Variants in SWT1 observed in about 807,000 individuals in gnomAD.
SWT1 encodes SWT1 RNA endoribonuclease homolog, also known as transcriptional protein SWT1.
Under a neutral mutation model 107.3 loss-of-function variants are expected in SWT1, and 33 were observed. The observed-to-expected ratio is 0.31, with a 90% CI of 0.23 to 0.41. The LOEUF (loss-of-function observed/expected upper bound fraction) is 0.41, where lower values mean the gene tolerates loss of function less well. Among genes scored for constraint, SWT1 ranks in the 10% least tolerant of loss-of-function variants. The probability of loss-of-function intolerance (pLI) is 1.00; values close to 1 mark genes in which losing one functional copy is unlikely to be tolerated. For missense variants in SWT1, 898 were observed against 1,028.9 expected, an observed-to-expected ratio of 0.87 and a Z score of 1.74; for synonymous variants, 345 against 348.3, an observed-to-expected ratio of 0.99 and a Z score of 0.11.
In SWT1 at chr1:185,252,014, A is replaced by G. The variant is rs551180741; in HGVS notation, c.2442-19309A>G. Among the ~76,000 whole-genome samples, 285 of 151,072 alleles carry G rather than the reference A, an allele frequency of 1.9e-3. 3 individuals are homozygous for G. The highest frequency in any genetic ancestry group is 0.015 in the Admixed American group (227 of 15,166). Reference sequence around the variant, plus strand: ...CTGTGTCCATGTGATCTCATTGTTCAATTCCCACCTATGAGTGAGAATATG... The same window carrying G: ...CTGTGTCCATGTGATCTCATTGTTCGATTCCCACCTATGAGTGAGAATATG... On this transcript the variant is annotated intron_variant, in intron 16 of 18. Coordinates refer to ENST00000367500, the MANE Select transcript of SWT1 (RefSeq NM_017673.7).
chr1:185,158,261 C>G (rs118117104), intron 1 of SWT1, among the ~76,000 whole-genome samples: 1 of 152,010 alleles, frequency 6.6e-6, no homozygotes, highest in Non-Finnish European at 1.5e-5. Flanking sequence ...AAGTATATAT[C>G]TGGAGGGGTG....
Position 185,215,587 on chromosome 1 carries a change from C to T in SWT1, c.2121+932C>T, listed in dbSNP as rs111533223. On this transcript the variant is annotated intron_variant, in intron 14 of 18. Coordinates refer to ENST00000367500, the MANE Select transcript of SWT1 (RefSeq NM_017673.7). ...TATTTTTTTGACACAGGGTTTTACT[C>T]TGTCACCCTGGCACGATCAGGGCTC... 9.1e-3 allele frequency among the ~76,000 whole-genome samples: 1,390 copies of T among 152,238 alleles called. 25 individuals carry two copies. The highest frequency in any genetic ancestry group is 0.032 in the African/African-American group (1,328 of 41,522).
chr1:185,228,190 C>CAT (rs66669113), intron 15 of SWT1, among the ~76,000 whole-genome samples: 4 of 82,322 alleles, frequency 4.9e-5, no homozygotes, highest in Admixed American at 2.3e-4. Context: ...TATATATATA[C>CAT]ATATATATAT....
At chr1:185,189,480 CTAGT>C (rs1339750033) in intron 9 of SWT1, among the ~76,000 whole-genome samples, 1 of 152,126 alleles carries the variant, frequency 6.6e-6, no homozygotes, top group Non-Finnish European at 1.5e-5. Context: ...ACACAGGAAA[CTAGT>C]TTAGCTGCGG....
chr1:185,254,881 G>A (rs921160614), intron 16 of SWT1, among the ~76,000 whole-genome samples: 48 of 151,930 alleles, frequency 3.2e-4, no homozygotes, highest in Admixed American at 4.6e-4. Flanking sequence ...TAGGGTGTCA[G>A]TTTTGGATCT....
At chr1:185,226,318 C>T (rs1217564998) in intron 15 of SWT1, among the ~76,000 whole-genome samples, 1 of 152,182 alleles carries the variant, frequency 6.6e-6, no homozygotes, top group African/African-American at 2.4e-5. Context: ...TACTGTTTCT[C>T]AAGCCTGGTT....
At chr1:185,202,931 T>TGAC (rs1658003253) in intron 11 of SWT1, 132 bp downstream of exon 11, 2 of 455,320 alleles carry the variant, frequency 4.4e-6, no homozygotes, top group South Asian at 1.5e-4. Context: ...CTTGCTGGCA[T>TGAC]GTAAGTCATT....
Position 185,257,362 on chromosome 1 carries a change from G to A in SWT1, c.2442-13961G>A, listed in dbSNP as rs1218594929. Among the ~76,000 whole-genome samples, 24 of 152,238 alleles carry A rather than the reference G, an allele frequency of 1.6e-4. No homozygotes were observed. In the Middle Eastern group the frequency reaches 0.014, roughly 86 times the overall value. On this transcript the variant is annotated intron_variant, in intron 16 of 18. Transcript: ENST00000367500. ...TACCTAAGCAAGCCTGGGCAATGGA[G>A]GGCGCCCCTCCCCCAGCCTCGCTGC...
intron 4 of SWT1, among the ~76,000 whole-genome samples, chr1:185,169,555 C>A (rs189800268): frequency 9.3e-4 from 142 of 152,038 alleles, no homozygotes; most frequent in African/African-American, 3.3e-3. Flanking sequence ...TACTGTAATT[C>A]CTGTTCCATG....
chr1:185,198,963 AGTCTCGCTCT>A lies in SWT1; in HGVS notation c.1524-3687_1524-3678del, dbSNP rs1657640077. On this transcript the variant is annotated intron_variant, in intron 10 of 18. Coordinates refer to ENST00000367500, the MANE Select transcript of SWT1 (RefSeq NM_017673.7). ...ATTTTTTTTTTTTTTTTTTGAGACG[AGTCTCGCTCT>A]GTCATCCAGCCTGGAGTACAGTGGT... 2.1e-5 allele frequency among the ~76,000 whole-genome samples: 3 copies of A among 143,394 alleles called. No homozygotes were observed. The South Asian group carries it at 6.6e-4, about 31-fold the overall frequency. 94.1% of individuals were successfully genotyped at this position (143,394 alleles called of 152,430 possible).
Position 185,290,935 on chromosome 1 carries a change from G to A in SWT1, c.*132G>A, listed in dbSNP as rs949255989. 9.5e-6 allele frequency: 6 copies of A among 628,484 alleles called. No individual in the cohort carries two copies. Among genetic ancestry groups the A allele is most frequent in the African/African-American group, 1.9e-5 (1 of 52,584 alleles). 38.9% of individuals were successfully genotyped at this position (628,484 alleles called of 1,614,324 possible). A position where few individuals can be genotyped will look rare whatever the true frequency, so the allele number is the denominator to read the frequency against. ...GTTTCATAGGTATAAAAAGGTGATC[G>A]CCTATTACTGACAGTCTCATTGTAG... On this transcript the variant is annotated 3_prime_UTR_variant, in exon 19 of 19. Transcript: ENST00000367500.
chr1:185,236,184 T>G (rs566708425), intron 16 of SWT1, among the ~76,000 whole-genome samples: 1 of 152,258 alleles, frequency 6.6e-6, no homozygotes, highest in Non-Finnish European at 1.5e-5. Flanking sequence ...CTTCACAGAA[T>G]TGGAAAAAAC....
rs374026385 is a variant in SWT1, at chr1:185,174,975, A to G, written c.828A>G (p.Ser276=). 1.2e-5 allele frequency: 19 copies of G among 1,613,950 alleles called. No homozygotes were observed. In the South Asian group the frequency reaches 1.9e-4, roughly 16 times the overall value. Residue 276 remains serine, a synonymous_variant, in exon 5 of 19, where the codon TCA becomes TCG. Coordinates refer to ENST00000367500, the MANE Select transcript of SWT1 (RefSeq NM_017673.7). ...EREYLESSQV[S]LNVTRQKTEH... ...AATACCTGGAAAGCTCCCAGGTTTCATTAAATGTGACTAGGCAGAAAACTG... is the reference window on the plus strand; with the variant it reads ...AATACCTGGAAAGCTCCCAGGTTTCGTTAAATGTGACTAGGCAGAAAACTG...
At chr1:185,223,971 A>G (rs961718092) in intron 15 of SWT1, among the ~76,000 whole-genome samples, 1 of 152,240 alleles carries the variant, frequency 6.6e-6, no homozygotes, top group Admixed American at 6.5e-5. Flanking sequence ...TTAAGCAGCC[A>G]TAAGAAAGAA....
chr1:185,202,847 C>T (rs573340832), intron 11 of SWT1, 48 bp downstream of exon 11: 8 of 1,036,144 alleles, frequency 7.7e-6, no homozygotes, highest in Non-Finnish European at 1.1e-5. Flanking sequence ...ATTTTATACA[C>T]TAAGATTATT....
At chr1:185,183,748 C>G (rs1486418492) in intron 7 of SWT1, among the ~76,000 whole-genome samples, 1 of 152,162 alleles carries the variant, frequency 6.6e-6, no homozygotes, top group Non-Finnish European at 1.5e-5. Flanking sequence ...CACCTACAAG[C>G]AATTTATAGT....
At chr1:185,204,481 G>A (rs935583350) in intron 11 of SWT1, among the ~76,000 whole-genome samples, 1 of 151,806 alleles carries the variant, frequency 6.6e-6, no homozygotes. Flanking sequence ...CTGTTAAAAA[G>A]ATAAAACATT....
At chr1:185,200,815 G>A (rs1657807395) in intron 10 of SWT1, among the ~76,000 whole-genome samples, 1 of 152,218 alleles carries the variant, frequency 6.6e-6, no homozygotes, top group Admixed American at 6.5e-5. Context: ...GAGCCGGCAG[G>A]CAGGAACGTT....
chr1:185,212,559 T>G (rs1211576563), intron 13 of SWT1, among the ~76,000 whole-genome samples: 1 of 152,108 alleles, frequency 6.6e-6, no homozygotes, highest in Non-Finnish European at 1.5e-5. Context: ...TTATGAAGAA[T>G]ATGTCATGGG....
Sources: gnomAD v4.1 joint callset for allele counts (sites outside exome capture counted in the v4.1 genomes callset) on GRCh38, gnomAD v4.1.1 for gene constraint, MANE v1.5 for transcripts, NCBI Gene and HGNC (gene_info 2026-07-23, HGNC 2026-07-21) for gene names.